The following CNTN4 variants were observed in gnomAD, a reference collection of about 807,000 sequenced individuals.
CNTN4 encodes the protein contactin 4.
In CNTN4, 77 loss-of-function variants were observed where a neutral mutation model predicts 122.5. That is an observed-to-expected ratio of 0.63 (90% CI 0.52 to 0.76). CNTN4 has a LOEUF of 0.76. Among genes scored for constraint, CNTN4 ranks in the 30% least tolerant of loss-of-function variants. The probability of loss-of-function intolerance (pLI) is 0.00; values close to 1 mark genes in which losing one functional copy is unlikely to be tolerated. For missense variants in CNTN4, 1,256 were observed against 1,259.1 expected (o/e 1.00, Z 0.04); for synonymous variants, 512 against 447.0 (o/e 1.15, Z -1.83).
intron 4 of CNTN4, among the ~76,000 whole-genome samples, chr3:2,641,782 C>CA (rs1011200442): frequency 3.3e-5 from 5 of 152,110 alleles, no homozygotes; most frequent in African/African-American, 9.7e-5. Context: ...TGATTGATGC[C>CA]AGAAAGGAAG....
At chr3:2,580,119 T>G (rs1002142637) in intron 4 of CNTN4, among the ~76,000 whole-genome samples, 5 of 152,162 alleles carry the variant, frequency 3.3e-5, no homozygotes, top group Non-Finnish European at 7.4e-5. Context: ...AAGGTCTGTC[T>G]TAGTACAGGA....
chr3:2,981,133 G>A (rs946924445), intron 13 of CNTN4, among the ~76,000 whole-genome samples: 2 of 152,150 alleles, frequency 1.3e-5, no homozygotes, highest in Admixed American at 1.3e-4. Context: ...AAATGATTTA[G>A]GGGCTGCTTT....
In CNTN4 at chr3:2,680,196, G is replaced by C. The variant is rs141259573; in HGVS notation, c.56-56019G>C. ...CTAGACTATAATATGTGGTGTAATA[G>C]ATACATGAACCCATCTCTGTGAAAA... is the stretch of plus-strand genomic sequence containing the variant. On this transcript the variant is annotated intron_variant, in intron 4 of 24. Transcript: ENST00000418658. 3.9e-4 allele frequency among the ~76,000 whole-genome samples: 60 copies of C among 152,218 alleles called. No individual in the cohort carries two copies. In the South Asian group the frequency reaches 6.0e-3, roughly 15 times the overall value.
intron 6 of CNTN4, among the ~76,000 whole-genome samples, chr3:2,763,151 T>C (rs1018912445): frequency 6.6e-6 from 1 of 152,096 alleles, no homozygotes. Context: ...TTCACCATGT[T>C]AGCCAGGATG....
chr3:2,467,175 C>A (rs1332348908), intron 3 of CNTN4, among the ~76,000 whole-genome samples: 1 of 149,874 alleles, frequency 6.7e-6, no homozygotes, highest in Non-Finnish European at 1.5e-5. Context: ...TGGTCAGGAC[C>A]TGGCTTCCCA....
chr3:2,519,312 C>G (rs547106701), intron 3 of CNTN4, among the ~76,000 whole-genome samples: 7 of 152,114 alleles, frequency 4.6e-5, no homozygotes, highest in Non-Finnish European at 1.0e-4. Context: ...GGATGACACC[C>G]TAGCCAACAA....
intron 3 of CNTN4, among the ~76,000 whole-genome samples, chr3:2,502,683 G>T (rs1156508465): frequency 6.6e-6 from 1 of 152,140 alleles, no homozygotes; most frequent in Non-Finnish European, 1.5e-5. Context: ...AAGAGAGAAG[G>T]CTTAGTCCAC....
At chr3:2,263,122 C>T (rs1243420077) in intron 2 of CNTN4, among the ~76,000 whole-genome samples, 1 of 152,080 alleles carries the variant, frequency 6.6e-6, no homozygotes, top group African/African-American at 2.4e-5. Context: ...GCCATGTGTC[C>T]AGCTAAAATT....
intron 4 of CNTN4, among the ~76,000 whole-genome samples, chr3:2,580,829 T>C (rs183498795): frequency 2.6e-5 from 4 of 152,272 alleles, no homozygotes; most frequent in African/African-American, 9.6e-5. Flanking sequence ...AAAACAACCC[T>C]CTGGGAGAGG....
At chr3:2,392,157 A>C (rs572528154) in intron 3 of CNTN4, among the ~76,000 whole-genome samples, 1 of 152,166 alleles carries the variant, frequency 6.6e-6, no homozygotes, top group Non-Finnish European at 1.5e-5. Context: ...AGCCTTCCCA[A>C]ATCCACTTGG....
chr3:2,339,855 G>A (rs2044116236), intron 3 of CNTN4, among the ~76,000 whole-genome samples: 1 of 152,196 alleles, frequency 6.6e-6, no homozygotes, highest in Non-Finnish European at 1.5e-5. Context: ...AGTTTGAAAT[G>A]AAACTCTCAG....
intron 4 of CNTN4, among the ~76,000 whole-genome samples, chr3:2,705,131 G>A (rs1030240810): frequency 1.3e-5 from 2 of 151,406 alleles, no homozygotes; most frequent in Middle Eastern, 3.4e-3. Context: ...GGCTTTGGGA[G>A]GCCGAGGCAG....
chr3:2,221,222 G>A (rs1339766696), intron 2 of CNTN4, among the ~76,000 whole-genome samples: 1 of 152,074 alleles, frequency 6.6e-6, no homozygotes, highest in Admixed American at 6.6e-5. Context: ...TTGGAAGTTT[G>A]TGGAGATGGA....
chr3:2,412,589 G>T (rs1055647642), intron 3 of CNTN4, among the ~76,000 whole-genome samples: 1 of 152,124 alleles, frequency 6.6e-6, no homozygotes, highest in Non-Finnish European at 1.5e-5. Flanking sequence ...GTGTACCCAC[G>T]TGGGGTTGTG....
At chr3:2,791,532 C>CA (rs11425573) in intron 6 of CNTN4, among the ~76,000 whole-genome samples, 51,963 of 142,862 alleles carry the variant, frequency 0.36, 9,130 homozygotes, top group Non-Finnish European at 0.39. Context: ...GATCCTGTCT[C>CA]AAAAAAAAAA....
intron 4 of CNTN4, among the ~76,000 whole-genome samples, chr3:2,727,090 C>T (rs887019970): frequency 1.8e-4 from 27 of 152,168 alleles, no homozygotes; most frequent in Non-Finnish European, 1.9e-4. Flanking sequence ...GCTTTGCACA[C>T]GGTTATGTCG....
chr3:2,425,032 C>T (rs1359935607), intron 3 of CNTN4, among the ~76,000 whole-genome samples: 6 of 152,168 alleles, frequency 3.9e-5, no homozygotes, highest in African/African-American at 1.2e-4. Context: ...CCTGTTCACT[C>T]TGATGGTAGT....
chr3:2,594,991 C>T (rs1211933035), intron 4 of CNTN4, among the ~76,000 whole-genome samples: 1 of 152,126 alleles, frequency 6.6e-6, no homozygotes, highest in African/African-American at 2.4e-5. Flanking sequence ...CACATTAGTC[C>T]CAATTCCATC....
In CNTN4 at chr3:2,576,793, G is replaced by A. The variant is rs186935238; in HGVS notation, c.55+5235G>A. Among the ~76,000 whole-genome samples, 414 of 152,122 alleles carry A rather than the reference G, an allele frequency of 2.7e-3. 2 individuals are homozygous for A. Among genetic ancestry groups the A allele is most frequent in the African/African-American group, 9.6e-3 (397 of 41,510 alleles). ...GAACTCTTAACCTCAAATGATCCAC[G>A]TGCCTTGCCTTCCCAAAGTGCTGGG... On this transcript the variant is annotated intron_variant, in intron 4 of 24. Transcript: ENST00000418658.
Sources: gnomAD v4.1 joint callset for allele counts (sites outside exome capture counted in the v4.1 genomes callset) on GRCh38, gnomAD v4.1.1 for gene constraint, MANE v1.5 for transcripts, NCBI Gene and HGNC (gene_info 2026-07-23, HGNC 2026-07-21) for gene names.